The following C9orf85 variants were observed in gnomAD, a reference collection of about 807,000 sequenced individuals.
C9orf85 encodes the protein chromosome 9 open reading frame 85, also known as uncharacterized protein C9orf85.
A neutral mutation model predicts 14.9 loss-of-function variants in C9orf85; 16 were observed. The ratio of observed to expected loss-of-function variants is 1.08; its 90% CI spans 0.73 to 1.63. C9orf85 has a LOEUF of 1.63. C9orf85 is among the 40% of genes most tolerant of loss of function. The pLI is 0.00. For missense variants in C9orf85, 172 were observed against 186.1 expected, an observed-to-expected ratio of 0.92 and a Z score of 0.44; for synonymous variants, 45 against 56.8, an observed-to-expected ratio of 0.79 and a Z score of 0.93.
chr9:71,917,462 T>G (rs1443755102), intron 1 of C9orf85, among the ~76,000 whole-genome samples: 1 of 152,234 alleles, frequency 6.6e-6, no homozygotes, highest in Admixed American at 6.5e-5. Context: ...AGTTTAAGAT[T>G]AGTTATGATT....
chr9:71,935,068 A>G (rs1828158305), intron 1 of C9orf85, among the ~76,000 whole-genome samples: 1 of 152,176 alleles, frequency 6.6e-6, no homozygotes, highest in African/African-American at 2.4e-5. Context: ...ATACCACCTC[A>G]TACTCATTCG....
intron 2 of C9orf85, among the ~76,000 whole-genome samples, chr9:71,948,238 GA>G (rs994141585): frequency 2.6e-5 from 4 of 151,908 alleles, no homozygotes; most frequent in Non-Finnish European, 4.4e-5. Context: ...TCCTTTATGG[GA>G]AAAAATTTTG....
At chr9:71,951,819 T>C (rs1324038211) in intron 2 of C9orf85, among the ~76,000 whole-genome samples, 1 of 152,112 alleles carries the variant, frequency 6.6e-6, no homozygotes, top group Admixed American at 6.6e-5. Context: ...AATCTCGATA[T>C]GGAGCTGAAT....
intron 2 of C9orf85, among the ~76,000 whole-genome samples, chr9:71,961,163 C>T (rs576473014): frequency 8.6e-5 from 13 of 151,898 alleles, no homozygotes; most frequent in Non-Finnish European, 1.9e-4. Context: ...CCGCCCACCT[C>T]GGTCTCCCAG....
intron 1 of C9orf85, among the ~76,000 whole-genome samples, chr9:71,921,098 C>T (rs1280307237): frequency 6.6e-6 from 1 of 152,176 alleles, no homozygotes; most frequent in African/African-American, 2.4e-5. Context: ...CAACCTGACT[C>T]TAGTGTAGTA....
chr9:71,920,084 C>T lies in C9orf85; in HGVS notation c.102+8248C>T, dbSNP rs907683536. ...CAGGACAGTCTCGATCTCTTGACCT[C>T]GTGATCTGCCTGCCTTGGCCTCCCA... On this transcript the variant is annotated intron_variant, in intron 1 of 3. Coordinates refer to ENST00000334731, the MANE Select transcript of C9orf85 (RefSeq NM_182505.5). 4.6e-5 allele frequency among the ~76,000 whole-genome samples: 7 copies of T among 152,040 alleles called. No individual in the cohort carries two copies. The South Asian group carries it at 6.2e-4, about 14-fold the overall frequency.
At chr9:71,977,153 C>A (rs1300507751), downstream of C9orf85, among the ~76,000 whole-genome samples, 1 of 151,846 alleles carries the variant, frequency 6.6e-6, no homozygotes, top group Non-Finnish European at 1.5e-5. Flanking sequence ...AATTACATGT[C>A]CAGAGCTTTT....
chr9:71,975,819 T>A (rs1209480241), downstream of C9orf85, among the ~76,000 whole-genome samples: 2 of 152,120 alleles, frequency 1.3e-5, no homozygotes, highest in Non-Finnish European at 2.9e-5. Flanking sequence ...GGAACAAGAG[T>A]GAAACTCTGT....
intron 1 of C9orf85, among the ~76,000 whole-genome samples, chr9:71,933,498 G>T (rs1168873256): frequency 6.6e-6 from 1 of 152,106 alleles, no homozygotes; most frequent in East Asian, 1.9e-4. Context: ...TGCACAATTT[G>T]TTTTTTCTAA....
At chr9:71,962,047 T>A (rs1822535475) in intron 2 of C9orf85, among the ~76,000 whole-genome samples, 1 of 152,148 alleles carries the variant, frequency 6.6e-6, no homozygotes, top group Non-Finnish European at 1.5e-5. Flanking sequence ...GCTCCTGTAG[T>A]TCCAGCTATT....
chr9:71,921,209 TG>T (rs551787237), intron 1 of C9orf85, among the ~76,000 whole-genome samples: 2 of 152,160 alleles, frequency 1.3e-5, no homozygotes, highest in Non-Finnish European at 2.9e-5. Flanking sequence ...CTGTGTTTTG[TG>T]GGGGGAAATT....
chr9:71,968,366 C>A (rs12379689), intron 2 of C9orf85, among the ~76,000 whole-genome samples: 1 of 146,418 alleles, frequency 6.8e-6, no homozygotes, highest in African/African-American at 2.5e-5. Context: ...AGTATTATTT[C>A]TTAAATATTT....
At chr9:71,980,708 A>G (rs1823083310) in intron 3 of C9orf85, among the ~76,000 whole-genome samples, 1 of 152,134 alleles carries the variant, frequency 6.6e-6, no homozygotes, top group Non-Finnish European at 1.5e-5. Context: ...TATATACTTC[A>G]CCCAAAAACA....
At chr9:71,938,025 T>G (rs1019128926) in intron 1 of C9orf85, among the ~76,000 whole-genome samples, 2 of 152,142 alleles carry the variant, frequency 1.3e-5, no homozygotes, top group African/African-American at 4.8e-5. Flanking sequence ...TCAAAAGTAT[T>G]TCTGGGCTAT....
At chr9:71,931,674 G>GTACT (rs913472559) in intron 1 of C9orf85, among the ~76,000 whole-genome samples, 6 of 152,244 alleles carry the variant, frequency 3.9e-5, no homozygotes, top group African/African-American at 1.4e-4. Flanking sequence ...GATAGGAATA[G>GTACT]TACTATTCAT....
intron 1 of C9orf85, among the ~76,000 whole-genome samples, chr9:71,917,482 C>A (rs1435501601): frequency 6.6e-6 from 1 of 152,228 alleles, no homozygotes; most frequent in Non-Finnish European, 1.5e-5. Context: ...TGCATTTATA[C>A]AGCAGAACAG....
chr9:71,942,986 A>G (rs757561876), intron 1 of C9orf85, among the ~76,000 whole-genome samples: 2 of 152,080 alleles, frequency 1.3e-5, no homozygotes, highest in Non-Finnish European at 2.9e-5. Flanking sequence ...TTGCCCCCAA[A>G]TCCAGGGATC....
intron 2 of C9orf85, among the ~76,000 whole-genome samples, chr9:71,947,978 A>C (rs1017223186): frequency 9.2e-5 from 14 of 152,180 alleles, no homozygotes; most frequent in Non-Finnish European, 1.6e-4. Context: ...GTTCTCTTAT[A>C]TCAGCCTTCT....
chr9:71,967,509 T>TA (rs1822725390), intron 2 of C9orf85, among the ~76,000 whole-genome samples: 1 of 152,186 alleles, frequency 6.6e-6, no homozygotes, highest in Non-Finnish European at 1.5e-5. Flanking sequence ...TGCTTTTTCT[T>TA]ATACAAAGTA....
Sources: gnomAD v4.1 joint callset for allele counts (sites outside exome capture counted in the v4.1 genomes callset) on GRCh38, gnomAD v4.1.1 for gene constraint, MANE v1.5 for transcripts, NCBI Gene and HGNC (gene_info 2026-07-23, HGNC 2026-07-21) for gene names.